The following GFRAL variants were observed in gnomAD, a reference collection of about 807,000 sequenced individuals.
GFRAL encodes GDNF family receptor alpha-like.
Under a neutral mutation model 45.4 loss-of-function variants are expected in GFRAL, and 36 were observed. That is an observed-to-expected ratio of 0.79 (90% CI 0.61 to 1.05). The LOEUF (loss-of-function observed/expected upper bound fraction) is 1.05, where lower values mean the gene tolerates loss of function less well. Ranked by LOEUF, GFRAL falls within the 50% of genes least tolerant of loss-of-function variation. The probability of loss-of-function intolerance (pLI) is 0.00; values close to 1 mark genes in which losing one functional copy is unlikely to be tolerated. For missense variants in GFRAL, 507 were observed against 467.5 expected, an observed-to-expected ratio of 1.08 and a Z score of -0.78; for synonymous variants, 166 against 154.1, an observed-to-expected ratio of 1.08 and a Z score of -0.57.
At chr6:55,348,242 G>A (rs969609405) in intron 3 of GFRAL, among the ~76,000 whole-genome samples, 1 of 150,594 alleles carries the variant, frequency 6.6e-6, no homozygotes, top group South Asian at 2.1e-4. Flanking sequence ...AAATGAGTGT[G>A]TGTGTGTGTG....
intron 6 of GFRAL, among the ~76,000 whole-genome samples, chr6:55,368,161 A>G (rs1424955238): frequency 6.6e-6 from 1 of 150,944 alleles, no homozygotes; most frequent in Non-Finnish European, 1.5e-5. Flanking sequence ...TTTTTTCTCT[A>G]AACTTCCCTT....
At chr6:55,397,927 T>C (rs1027064583) in intron 6 of GFRAL, among the ~76,000 whole-genome samples, 6 of 152,234 alleles carry the variant, frequency 3.9e-5, no homozygotes, top group African/African-American at 1.4e-4. Context: ...TGCTTAAATA[T>C]GCAAATATTT....
At chr6:55,347,692 G>A (rs941266037) in intron 3 of GFRAL, among the ~76,000 whole-genome samples, 25 of 152,108 alleles carry the variant, frequency 1.6e-4, no homozygotes, top group Admixed American at 1.1e-3. Flanking sequence ...GATCTATATG[G>A]GAAATGGGTA....
rs369413801 is a variant in GFRAL at position 55,332,712 on chromosome 6, G to A, written c.157+863G>A. Among the ~76,000 whole-genome samples the A allele has an allele frequency of 4.8e-4, 73 of 152,142 alleles. No homozygotes were observed. The East Asian group carries it at 9.8e-3, about 21-fold the overall frequency. ...GCTGGGATTGCAGGCGTGCACCACC[G>A]TGCCTGGCCTATATTTCCTTAAAAA... On this transcript the variant is annotated intron_variant, in intron 2 of 8. Transcript: ENST00000340465.
chr6:55,341,297 C>T (rs1767961185), intron 3 of GFRAL, among the ~76,000 whole-genome samples: 1 of 152,194 alleles, frequency 6.6e-6, no homozygotes, highest in Non-Finnish European at 1.5e-5. Context: ...TGACACCTCA[C>T]ACAGCTGGGT....
intron 6 of GFRAL, among the ~76,000 whole-genome samples, chr6:55,392,586 A>G (rs1421617789): frequency 6.6e-6 from 1 of 152,184 alleles, no homozygotes; most frequent in Non-Finnish European, 1.5e-5. Flanking sequence ...AGTGGGATTG[A>G]TGTTGCATCA....
At position 55,399,212 on chromosome 6, in the gene GFRAL, G is replaced by A; in HGVS notation, c.985G>A (p.Ala329Thr). ...YPTLSNVKGM[A>T]LYTRKHANKI... Reference sequence around the variant, plus strand: ...AACCCTGTCTAATGTCAAAGGCATGGCATTGTATACAAGAAAACATGCAAA... The same window carrying A: ...AACCCTGTCTAATGTCAAAGGCATGACATTGTATACAAGAAAACATGCAAA... Residue 329 changes from alanine to threonine, a missense_variant, in exon 7 of 9, where the codon GCA (alanine) becomes ACA (threonine). By Grantham distance (58) the Ala-to-Thr change is moderately conservative. Transcript: ENST00000340465. The A allele has an allele frequency of 6.2e-7, 1 of 1,602,286 alleles. No homozygotes were observed. The highest frequency in any genetic ancestry group is 8.5e-7 in the Non-Finnish European group (1 of 1,171,942).
chr6:55,357,685 T>C (rs1036255497), intron 5 of GFRAL, among the ~76,000 whole-genome samples: 1 of 151,838 alleles, frequency 6.6e-6, no homozygotes, highest in South Asian at 2.1e-4. Flanking sequence ...CAAATAATTT[T>C]GGAATCCAGT....
At chr6:55,397,714 C>A (rs1290182542) in intron 6 of GFRAL, among the ~76,000 whole-genome samples, 1 of 152,036 alleles carries the variant, frequency 6.6e-6, no homozygotes, top group East Asian at 1.9e-4. Context: ...ATTGTTAACA[C>A]AGTGCTCAAA....
chr6:55,359,376 T>C (rs1768243028), intron 6 of GFRAL, among the ~76,000 whole-genome samples: 1 of 152,068 alleles, frequency 6.6e-6, no homozygotes. Flanking sequence ...TTAATTATCA[T>C]TTATTGATTT....
At chr6:55,370,514 T>C (rs1313068259) in intron 6 of GFRAL, among the ~76,000 whole-genome samples, 2 of 152,194 alleles carry the variant, frequency 1.3e-5, no homozygotes, top group Non-Finnish European at 1.5e-5. Flanking sequence ...AGCTGGCATA[T>C]GTTAGGATTT....
intron 1 of GFRAL, among the ~76,000 whole-genome samples, chr6:55,330,231 C>T (rs1216709107): frequency 6.6e-6 from 1 of 152,062 alleles, no homozygotes; most frequent in South Asian, 2.1e-4. Flanking sequence ...ATTTATATAT[C>T]TTATATATAA....
At chr6:55,369,006 C>G (rs1178165290) in intron 6 of GFRAL, among the ~76,000 whole-genome samples, 1 of 152,030 alleles carries the variant, frequency 6.6e-6, no homozygotes, top group Non-Finnish European at 1.5e-5. Context: ...TTTACCTAAG[C>G]AAGCCTGGGC....
At chr6:55,378,778 A>G (rs1225609722) in intron 6 of GFRAL, among the ~76,000 whole-genome samples, 1 of 151,930 alleles carries the variant, frequency 6.6e-6, no homozygotes, top group Non-Finnish European at 1.5e-5. Flanking sequence ...TACAAAGTGA[A>G]CAGTCAAGAG....
At chr6:55,374,486 T>G (rs1768497809) in intron 6 of GFRAL, among the ~76,000 whole-genome samples, 1 of 152,210 alleles carries the variant, frequency 6.6e-6, no homozygotes, top group African/African-American at 2.4e-5. Flanking sequence ...CTTGTTTTTT[T>G]TCTTTTCAAT....
At chr6:55,390,885 C>G (rs1768741665) in intron 6 of GFRAL, among the ~76,000 whole-genome samples, 1 of 100,926 alleles carries the variant, frequency 9.9e-6, no homozygotes, top group Non-Finnish European at 1.8e-5. Flanking sequence ...GAGACTCCAT[C>G]TCACACACAT....
At position 55,401,953 on chromosome 6, in the gene GFRAL, C is replaced by G; in HGVS notation, c.*100C>G. 1 of 676,406 alleles carries G rather than the reference C, an allele frequency of 1.5e-6. No homozygotes were observed. The highest frequency in any genetic ancestry group is 2.9e-5 in the East Asian group (1 of 34,380). The allele number at this position is 676,406 out of a possible 1,614,324, so 41.9% of individuals were successfully genotyped here. ...TCCTCTCCTCTCTTCTCCTCTCCTC[C>G]CCTCCCCTCTCTGTTTCTTTTTCTT... On this transcript the variant is annotated 3_prime_UTR_variant, in exon 9 of 9. Coordinates refer to ENST00000340465, the MANE Select transcript of GFRAL (RefSeq NM_207410.2).
At chr6:55,397,323 C>G (rs1244163591) in intron 6 of GFRAL, among the ~76,000 whole-genome samples, 11 of 139,282 alleles carry the variant, frequency 7.9e-5, no homozygotes, top group African/African-American at 3.1e-4. Context: ...TCGAGACCAT[C>G]CTGGCTAACA....
chr6:55,393,872 A>T (rs957152568), intron 6 of GFRAL, among the ~76,000 whole-genome samples: 2 of 152,192 alleles, frequency 1.3e-5, no homozygotes, highest in African/African-American at 4.8e-5. Flanking sequence ...TGTTTAATAG[A>T]TAATCCTGAT....
Sources: allele counts gnomAD v4.1 joint callset (sites outside exome capture counted in the v4.1 genomes callset), GRCh38; gene constraint gnomAD v4.1.1; transcripts MANE v1.5; gene names NCBI Gene and HGNC (gene_info 2026-07-23, HGNC 2026-07-21).